Variants in BICC1 observed in about 807,000 individuals in gnomAD.
BICC1 encodes the protein protein bicaudal C homolog 1.
BICC1 carries 43 observed loss-of-function variants against 111.0 expected under a neutral mutation model. The observed-to-expected ratio is 0.39, with a 90% CI of 0.30 to 0.50. BICC1 has a LOEUF of 0.50. BICC1 is among the 20% of genes least tolerant of loss of function. The pLI is 0.88. For synonymous variants in BICC1, 467 were observed against 434.4 expected, an observed-to-expected ratio of 1.07 and a Z score of -0.93; for missense variants, 1,091 against 1,203.2, an observed-to-expected ratio of 0.91 and a Z score of 1.38.
intron 3 of BICC1, among the ~76,000 whole-genome samples, chr10:58,771,510 C>T (rs866186565): frequency 9.2e-5 from 14 of 151,952 alleles, no homozygotes; most frequent in African/African-American, 3.1e-4. Flanking sequence ...AGCAGTGTCA[C>T]GGGAAACCAG....
intron 18 of BICC1, among the ~76,000 whole-genome samples, chr10:58,816,561 C>CATGG (rs1844095308): frequency 6.6e-6 from 1 of 152,094 alleles, no homozygotes; most frequent in Non-Finnish European, 1.5e-5. Flanking sequence ...TTGGCAGACA[C>CATGG]ATGGATCCCC....
intron 1 of BICC1, among the ~76,000 whole-genome samples, chr10:58,563,755 T>C (rs1843676374): frequency 6.6e-6 from 1 of 152,178 alleles, no homozygotes; most frequent in Non-Finnish European, 1.5e-5. Context: ...TCATGTCTCT[T>C]AGCAACAGCA....
At chr10:58,759,725 C>T (rs568558252) in intron 3 of BICC1, among the ~76,000 whole-genome samples, 11 of 152,018 alleles carry the variant, frequency 7.2e-5, no homozygotes, top group South Asian at 4.2e-4. Context: ...TTTGGGAGGC[C>T]GAGGCGGGTG....
chr10:58,644,234 A>G (rs981182286), intron 2 of BICC1, among the ~76,000 whole-genome samples: 1 of 152,190 alleles, frequency 6.6e-6, no homozygotes, highest in Non-Finnish European at 1.5e-5. Flanking sequence ...GGCACTTGCT[A>G]CAGAAGAGAT....
chr10:58,629,492 G>C (rs1346273025), intron 2 of BICC1, among the ~76,000 whole-genome samples: 2 of 152,174 alleles, frequency 1.3e-5, no homozygotes, highest in Non-Finnish European at 2.9e-5. Context: ...GCCTAAAACT[G>C]TAAGTTTTGC....
At chr10:58,785,115 C>A in intron 4 of BICC1, 35 bp downstream of exon 4, 2 of 1,327,582 alleles carry the variant, frequency 1.5e-6, no homozygotes, top group Non-Finnish European at 2.1e-6. Context: ...GATGTCAGAA[C>A]CTTGTCTCTA....
chr10:58,822,414 G>A (rs1323979681), intron 20 of BICC1, among the ~76,000 whole-genome samples: 1 of 152,048 alleles, frequency 6.6e-6, no homozygotes. Context: ...GTATCTTTTG[G>A]GGGAGGTAAG....
chr10:58,619,687 A>G (rs1471110641), intron 1 of BICC1, among the ~76,000 whole-genome samples: 1 of 152,044 alleles, frequency 6.6e-6, no homozygotes, highest in African/African-American at 2.4e-5. Context: ...GTTTGCCAGG[A>G]TGGTCTTGAT....
intron 1 of BICC1, among the ~76,000 whole-genome samples, chr10:58,581,336 A>G (rs1216918360): frequency 2.0e-5 from 3 of 152,336 alleles, no homozygotes; most frequent in East Asian, 1.9e-4. Context: ...ATGTCAGTTT[A>G]TGATGATATT....
intron 13 of BICC1, among the ~76,000 whole-genome samples, chr10:58,800,593 G>T (rs1843512018): frequency 6.6e-6 from 1 of 152,146 alleles, no homozygotes. Flanking sequence ...CAGCAGAAAA[G>T]CATCAACTTA....
At chr10:58,605,224 G>A in intron 1 of BICC1, among the ~76,000 whole-genome samples, 1 of 152,064 alleles carries the variant, frequency 6.6e-6, no homozygotes, top group East Asian at 1.9e-4. Flanking sequence ...TATACGCATA[G>A]TTTAAAAATG....
chr10:58,670,842 T>G (rs1013854429), intron 2 of BICC1, among the ~76,000 whole-genome samples: 5 of 152,174 alleles, frequency 3.3e-5, no homozygotes, highest in African/African-American at 1.2e-4. Context: ...TCATACAATG[T>G]AACCATACTC....
chr10:58,543,845 AAAAAG>A, intron 1 of BICC1, among the ~76,000 whole-genome samples: 1 of 151,330 alleles, frequency 6.6e-6, no homozygotes. Context: ...AAAAAAAAAA[AAAAAG>A]AAACCACCTG....
intron 20 of BICC1, among the ~76,000 whole-genome samples, chr10:58,824,734 CAA>C (rs1448021571): frequency 6.6e-6 from 1 of 152,156 alleles, no homozygotes; most frequent in East Asian, 1.9e-4. Context: ...TCTAGCCCCT[CAA>C]AGAGACAACT....
intron 3 of BICC1, among the ~76,000 whole-genome samples, chr10:58,731,555 T>C (rs1841295321): frequency 6.6e-6 from 1 of 152,212 alleles, no homozygotes; most frequent in African/African-American, 2.4e-5. Context: ...AACTGAGTAA[T>C]TATTAAAGAA....
chr10:58,783,678 G>C (rs1275412820), intron 3 of BICC1, among the ~76,000 whole-genome samples: 6 of 152,136 alleles, frequency 3.9e-5, no homozygotes, highest in African/African-American at 1.4e-4. Flanking sequence ...TGGATGCAAA[G>C]TACAGGATAT....
chr10:58,823,529 C>T (rs916348371), intron 20 of BICC1: 24 of 983,726 alleles, frequency 2.4e-5, no homozygotes, highest in Non-Finnish European at 2.7e-5. Context: ...GATCATTTTA[C>T]TGTTTCAAAG....
chr10:58,736,158 A>G (rs1159857297), intron 3 of BICC1, among the ~76,000 whole-genome samples: 2 of 152,168 alleles, frequency 1.3e-5, no homozygotes, highest in Non-Finnish European at 2.9e-5. Context: ...ATGGAGCAAG[A>G]TGGGGACAGG....
chr10:58,709,746 T>TA (rs1402883002), intron 3 of BICC1, among the ~76,000 whole-genome samples: 1 of 152,126 alleles, frequency 6.6e-6, no homozygotes, highest in Non-Finnish European at 1.5e-5. Context: ...ACCCCTTAAG[T>TA]AAAAAAATGT....
Sources: gnomAD v4.1 joint callset for allele counts (sites outside exome capture counted in the v4.1 genomes callset) on GRCh38, gnomAD v4.1.1 for gene constraint, MANE v1.5 for transcripts, NCBI Gene and HGNC (gene_info 2026-07-23, HGNC 2026-07-21) for gene names.